DACH1: variants seen among roughly 807,000 people sequenced by gnomAD.
The protein encoded by DACH1 is dachshund homolog 1.
Under a neutral mutation model 54.2 loss-of-function variants are expected in DACH1, and 12 were observed. That is an observed-to-expected ratio of 0.22 (90% confidence interval 0.14 to 0.36). The LOEUF (loss-of-function observed/expected upper bound fraction) is 0.36. DACH1 is among the 10% of genes least tolerant of loss of function. The pLI is 1.00. For missense variants in DACH1, 805 were observed against 929.8 expected (o/e 0.87, Z 1.75); for synonymous variants, 386 against 366.2 (o/e 1.05, Z -0.62).
intron 1 of DACH1, among the ~76,000 whole-genome samples, chr13:71,776,361 C>A (rs1288824142): frequency 6.6e-6 from 1 of 151,918 alleles, no homozygotes; most frequent in African/African-American, 2.4e-5. Flanking sequence ...TGAGAGTTAC[C>A]ATGGCTAATT....
At chr13:71,499,706 T>G (rs533124516) in intron 6 of DACH1, among the ~76,000 whole-genome samples, 30 of 152,138 alleles carry the variant, frequency 2.0e-4, no homozygotes, top group Non-Finnish European at 4.1e-4. Context: ...GACCTCACAG[T>G]AAAACATCAC....
intron 1 of DACH1, among the ~76,000 whole-genome samples, chr13:71,767,657 T>C (rs796530872): frequency 1.3e-5 from 2 of 152,170 alleles, no homozygotes; most frequent in African/African-American, 4.8e-5. Context: ...AAGCTCTTTA[T>C]AGCAAAAAGC....
chr13:71,479,892 C>T (rs750182456), intron 7 of DACH1, among the ~76,000 whole-genome samples: 1 of 152,112 alleles, frequency 6.6e-6, no homozygotes, highest in Non-Finnish European at 1.5e-5. Flanking sequence ...TTGCATGGCT[C>T]ACACCCTCAT....
chr13:71,644,213 C>A (rs1594036174), intron 2 of DACH1, among the ~76,000 whole-genome samples: 1 of 152,052 alleles, frequency 6.6e-6, no homozygotes, highest in East Asian at 1.9e-4. Flanking sequence ...ATTATCTGAC[C>A]TGTTTTAACG....
intron 1 of DACH1, among the ~76,000 whole-genome samples, chr13:71,762,768 CAAAAAAAAAAAA>C (rs34543654): frequency 4.2e-5 from 3 of 71,200 alleles, no homozygotes; most frequent in Admixed American, 1.8e-4. Flanking sequence ...AACTTTGTCT[CAAAAAAAAAAAA>C]AAAAAAAAAA....
chr13:71,572,739 G>A, intron 4 of DACH1, 101 bp downstream of exon 4: 1 of 1,279,360 alleles, frequency 7.8e-7, no homozygotes. Flanking sequence ...CTATCACTTA[G>A]CTTTTTAGAG....
intron 2 of DACH1, among the ~76,000 whole-genome samples, chr13:71,640,275 A>C (rs555638736): frequency 6.6e-6 from 1 of 152,164 alleles, no homozygotes; most frequent in South Asian, 2.1e-4. Context: ...CAAATATACC[A>C]ATATAAATTG....
At chr13:71,477,497 C>T (rs1047757839) in intron 8 of DACH1, among the ~76,000 whole-genome samples, 2 of 151,886 alleles carry the variant, frequency 1.3e-5, no homozygotes, top group East Asian at 3.9e-4. Flanking sequence ...TTTTAAAAAC[C>T]TGTTTGTATC....
chr13:71,781,641 G>A (rs1398558389), intron 1 of DACH1, among the ~76,000 whole-genome samples: 2 of 152,118 alleles, frequency 1.3e-5, no homozygotes, highest in Admixed American at 6.5e-5. Flanking sequence ...GCCTCCCAAA[G>A]TGCTGGGATT....
At chr13:71,779,648 A>G (rs1886281557) in intron 1 of DACH1, among the ~76,000 whole-genome samples, 1 of 152,116 alleles carries the variant, frequency 6.6e-6, no homozygotes. Context: ...TAACCACACC[A>G]AACAAAAATA....
intron 1 of DACH1, among the ~76,000 whole-genome samples, chr13:71,774,378 A>G (rs1885980223): frequency 6.6e-6 from 1 of 152,104 alleles, no homozygotes; most frequent in Admixed American, 6.6e-5. Context: ...AATAGACTGG[A>G]CAACATAACA....
At chr13:71,660,156 T>C (rs769801600) in intron 2 of DACH1, among the ~76,000 whole-genome samples, 39 of 152,094 alleles carry the variant, frequency 2.6e-4, no homozygotes, top group Non-Finnish European at 3.7e-4. Flanking sequence ...CAATTGTACA[T>C]TGAGTGAAAT....
chr13:71,828,887 T>C (rs996209726), intron 1 of DACH1, among the ~76,000 whole-genome samples: 2 of 151,832 alleles, frequency 1.3e-5, no homozygotes, highest in Admixed American at 1.3e-4. Context: ...GCTTATACTG[T>C]TGCCATGCTT....
Position 71,522,609 on chromosome 13 carries a change from C to T in DACH1, c.1571-33461G>A, listed in dbSNP as rs1169287172. On this transcript the variant is annotated intron_variant, in intron 6 of 10. Coordinates refer to ENST00000613252, the MANE Select transcript of DACH1 (RefSeq NM_080759.6). Reference sequence around the variant, plus strand: ...CTTATAACTCACCAAATACAACCTTCAGTTTATTAAACAGATTTCACTATA... The same window carrying T: ...CTTATAACTCACCAAATACAACCTTTAGTTTATTAAACAGATTTCACTATA... Among the ~76,000 whole-genome samples, 2 of 152,018 alleles carry T rather than the reference C, an allele frequency of 1.3e-5. 1 individual carries two copies. The highest frequency in any genetic ancestry group is 2.9e-5 in the Non-Finnish European group (2 of 67,984).
intron 3 of DACH1, among the ~76,000 whole-genome samples, chr13:71,599,024 A>G (rs1221377969): frequency 6.6e-6 from 1 of 152,140 alleles, no homozygotes; most frequent in East Asian, 1.9e-4. Context: ...TCTCTTATTT[A>G]TATAAGGGTA....
intron 1 of DACH1, among the ~76,000 whole-genome samples, chr13:71,697,343 T>C (rs1370826080): frequency 6.6e-6 from 1 of 152,180 alleles, no homozygotes; most frequent in African/African-American, 2.4e-5. Context: ...TTTAAAGACC[T>C]GAAAGGATGG....
chr13:71,802,047 TGA>T (rs567059593), intron 1 of DACH1, among the ~76,000 whole-genome samples: 111 of 152,212 alleles, frequency 7.3e-4, no homozygotes, highest in African/African-American at 2.6e-3. Flanking sequence ...ATTTGCTTGC[TGA>T]GAGATTTCAA....
At chr13:71,498,656 A>AG (rs1427683783) in intron 6 of DACH1, among the ~76,000 whole-genome samples, 2 of 19,006 alleles carry the variant, frequency 1.1e-4, no homozygotes, top group African/African-American at 6.1e-5. Flanking sequence ...AGGGGAAAGA[A>AG]GAAAAAAAAA....
chr13:71,749,515 A>G (rs903339066), intron 1 of DACH1, among the ~76,000 whole-genome samples: 1 of 152,150 alleles, frequency 6.6e-6, no homozygotes, highest in African/African-American at 2.4e-5. Flanking sequence ...CGCAAATCCC[A>G]GCTCTTAGCA....
Sources: gnomAD v4.1 joint callset for allele counts (sites outside exome capture counted in the v4.1 genomes callset) on GRCh38, gnomAD v4.1.1 for gene constraint, MANE v1.5 for transcripts, NCBI Gene and HGNC (gene_info 2026-07-23, HGNC 2026-07-21) for gene names.